DHX33: variants seen among roughly 807,000 people sequenced by gnomAD.
DHX33 encodes the protein DEAH-box helicase 33, also known as ATP-dependent RNA helicase DHX33.
DHX33 carries 42 observed loss-of-function variants against 72.5 expected under a neutral mutation model. The observed-to-expected ratio is 0.58, with a 90% CI of 0.45 to 0.75. DHX33 has a LOEUF of 0.75. DHX33 is among the 30% of genes least tolerant of loss of function. The pLI is 0.00. For synonymous variants in DHX33, 358 were observed against 366.1 expected (o/e 0.98, Z 0.25); for missense variants, 842 against 917.5 (o/e 0.92, Z 1.06).
chr17:5,445,693 G>T (rs1173742005), intron 11 of DHX33, among the ~76,000 whole-genome samples: 4 of 152,208 alleles, frequency 2.6e-5, no homozygotes, highest in Non-Finnish European at 4.4e-5. Flanking sequence ...AATCTCTGCT[G>T]GGCTCTTGAG....
rs565652374 is a variant in DHX33 at position 5,468,982 on chromosome 17, C to A, written c.-123G>T. 147 of 583,402 alleles carry A rather than the reference C, an allele frequency of 2.5e-4. 4 individuals are homozygous for A. The highest frequency in any genetic ancestry group is 2.4e-3 in the South Asian group (145 of 59,558). 36.1% of individuals were successfully genotyped at this position (583,402 alleles called of 1,614,324 possible). A position where few individuals can be genotyped will look rare whatever the true frequency, so the allele number is the denominator to read the frequency against. On this transcript the variant is annotated 5_prime_UTR_variant, in exon 1 of 12. Transcript: ENST00000225296. ...CGTGCTGGCGGCTCCCGGCGACCAC[C>A]GATGACCTCACGGCCGCCCCAGTCT... is the stretch of plus-strand genomic sequence containing the variant.
rs927314900 is a variant in DHX33, at chr17:5,460,828, C to G, written c.849+111G>C. The G allele has an allele frequency of 3.8e-6, 5 of 1,328,312 alleles. No individual in the cohort carries two copies. The Admixed American group carries it at 9.4e-5, about 25-fold the overall frequency. 82.3% of individuals were successfully genotyped at this position (1,328,312 alleles called of 1,614,324 possible). On this transcript the variant is annotated intron_variant, in intron 4 of 11. Transcript: ENST00000225296. ...GGCCTCCTTATTCATCTTGATGACA[C>G]AACTCACAAAGTTGTTTTATTCAGT...
intron 1 of DHX33, among the ~76,000 whole-genome samples, chr17:5,465,712 G>T (rs752055278): frequency 6.6e-6 from 1 of 152,156 alleles, no homozygotes; most frequent in African/African-American, 2.4e-5. Flanking sequence ...TAGTGTAGCC[G>T]AAATGCACCT....
chr17:5,449,891 G>T (rs1484143812), intron 10 of DHX33, among the ~76,000 whole-genome samples: 1 of 152,220 alleles, frequency 6.6e-6, no homozygotes, highest in Non-Finnish European at 1.5e-5. Flanking sequence ...GCTTGGCACA[G>T]AGTAAGTACT....
rs536015865 is a variant in DHX33, at chr17:5,448,641, C to G, written c.1815+168G>C. 4.6e-5 allele frequency: 19 copies of G among 413,068 alleles called. No homozygotes were observed. The Admixed American group carries it at 8.3e-4, about 18-fold the overall frequency. The allele number at this position is 413,068 out of a possible 1,614,324, so 25.6% of individuals were successfully genotyped here. On this transcript the variant is annotated intron_variant, in intron 11 of 11. Coordinates refer to ENST00000225296, the MANE Select transcript of DHX33 (RefSeq NM_020162.4). ...AAAAACTAGGCTATTAGGAAATAGG[C>G]TAAACTACTGAATTGTGGAATTGTG...
At chr17:5,454,018 T>C (rs376917617) in intron 6 of DHX33, 38 bp from the exon 7 acceptor site, 13 of 1,604,182 alleles carry the variant, frequency 8.1e-6, no homozygotes, top group East Asian at 6.7e-5. Flanking sequence ...CTTCATCACA[T>C]GAACAAACTC....
chr17:5,450,117 T>C, intron 10 of DHX33, 86 bp downstream of exon 10: 1 of 1,533,272 alleles, frequency 6.5e-7, no homozygotes, highest in Non-Finnish European at 8.9e-7. Context: ...GAAAGCGTAC[T>C]TTTTGCACGG....
At chr17:5,467,919 ACTCTTACAAATAG>A (rs1219091821) in intron 1 of DHX33, among the ~76,000 whole-genome samples, 1 of 152,090 alleles carries the variant, frequency 6.6e-6, no homozygotes, top group East Asian at 1.9e-4. Flanking sequence ...TTTTTCTTTA[ACTCTTACAAATAG>A]CTCACATCCA....
At chr17:5,465,001 G>A (rs1482576591) in intron 1 of DHX33, among the ~76,000 whole-genome samples, 3 of 152,234 alleles carry the variant, frequency 2.0e-5, no homozygotes, top group Non-Finnish European at 4.4e-5. Context: ...GTACAGAAGC[G>A]TTTAAATGTG....
rs1917168798 is a variant in DHX33 at position 5,455,889 on chromosome 17, A to T, written c.1035+108T>A. The T allele has an allele frequency of 4.9e-6, 6 of 1,221,372 alleles. No individual in the cohort carries two copies. The South Asian group carries it at 7.4e-5, about 15-fold the overall frequency. The allele number at this position is 1,221,372 out of a possible 1,614,324, so 75.7% of individuals were successfully genotyped here. Reference sequence around the variant, plus strand: ...CAGTGCGCTGATCTGGCACCTGGGTATCCCATCCCATACACCTTATCTGGA... The same window carrying T: ...CAGTGCGCTGATCTGGCACCTGGGTTTCCCATCCCATACACCTTATCTGGA... On this transcript the variant is annotated intron_variant, in intron 5 of 11. Coordinates refer to ENST00000225296, the MANE Select transcript of DHX33 (RefSeq NM_020162.4).
At chr17:5,445,551 C>T (rs1916626208) in intron 11 of DHX33, among the ~76,000 whole-genome samples, 1 of 152,236 alleles carries the variant, frequency 6.6e-6, no homozygotes, top group African/African-American at 2.4e-5. Context: ...TTCTACTGCT[C>T]TTGATGAGTG....
chr17:5,468,944 T>G lies in DHX33; in HGVS notation c.-85A>C. On this transcript the variant is annotated 5_prime_UTR_variant, in exon 1 of 12. Coordinates refer to ENST00000225296, the MANE Select transcript of DHX33 (RefSeq NM_020162.4). ...GCAGACAACAGGAGCACACCGCCCC[T>G]TCCTCGCCGCCACGTGCTGGCGGCT... 4.4e-6 allele frequency: 6 copies of G among 1,352,094 alleles called. No homozygotes were observed. The African/African-American group carries it at 4.6e-5, about 10-fold the overall frequency. 83.8% of individuals were successfully genotyped at this position (1,352,094 alleles called of 1,614,324 possible). A position where few individuals can be genotyped will look rare whatever the true frequency, so the allele number is the denominator to read the frequency against.
intron 11 of DHX33, among the ~76,000 whole-genome samples, chr17:5,445,064 C>T (rs1040066907): frequency 2.0e-4 from 31 of 152,176 alleles, no homozygotes; most frequent in African/African-American, 7.2e-4. Flanking sequence ...TTTCCTCTCA[C>T]CGCTCTTTTT....
At position 5,450,865 on chromosome 17, in the gene DHX33, G is replaced by A. The variant is rs1916871307; in HGVS notation, c.1466C>T (p.Thr489Ile). ...GALEHKDDQL[T>I]LTPMGRKMAA... The stretch of plus-strand genomic sequence containing the variant: ...CATCTTTCTTCCCATTGGAGTCAGG[G>A]TAAGCTGGTCATCCTTATGTTCAAG... Residue 489 changes from threonine to isoleucine, a missense_variant, in exon 9 of 12, where the codon ACC (threonine) becomes ATC (isoleucine). Thr to Ile is a moderately conservative substitution (Grantham distance 89). Transcript: ENST00000225296. The A allele has an allele frequency of 6.2e-7, 1 of 1,614,172 alleles. No homozygotes were observed.
Position 5,444,681 on chromosome 17 carries a change from T to C in DHX33, c.1816-168A>G, listed in dbSNP as rs144698105. Among the ~76,000 whole-genome samples, 660 of 152,092 alleles carry C rather than the reference T, an allele frequency of 4.3e-3. 3 individuals are homozygous for C. Among genetic ancestry groups the C allele is most frequent in the African/African-American group, 0.015 (611 of 41,474 alleles). ...AGGTGGTCACCAAGGATCAGCAAGG[T>C]CAGGGGAAGAAGGCCCAGCTGGAGG... is the stretch of plus-strand genomic sequence containing the variant. On this transcript the variant is annotated intron_variant, in intron 11 of 11. Transcript: ENST00000225296. This position sits in a 1 kb window ranked among gnomAD's most constrained non-coding sequence, Gnocchi z 4.9.
At chr17:5,465,809 T>A (rs1904856386) in intron 1 of DHX33, among the ~76,000 whole-genome samples, 1 of 152,250 alleles carries the variant, frequency 6.6e-6, no homozygotes, top group South Asian at 2.1e-4. Context: ...TGAAGCCCAG[T>A]GACTCCCATT....
chr17:5,448,610 T>C (rs79601586), intron 11 of DHX33, 199 bp downstream of exon 11: 7,872 of 338,296 alleles, frequency 0.023, 118 homozygotes, highest in Middle Eastern at 0.05. Context: ...TGTAAAAAAA[T>C]ACAATAAAAA....
chr17:5,450,682 C>G, intron 9 of DHX33, 125 bp downstream of exon 9: 1 of 1,412,548 alleles, frequency 7.1e-7, no homozygotes, highest in Non-Finnish European at 9.7e-7. Context: ...TATTTGCAAA[C>G]TAGGGGTTGG....
In DHX33 at chr17:5,455,224, T is replaced by A. The variant is rs565695834; in HGVS notation, c.1083A>T (p.Ile361=). Residue 361 remains isoleucine (I), a synonymous_variant, in exon 6 of 12, where the codon ATA becomes ATT. Coordinates refer to ENST00000225296, the MANE Select transcript of DHX33 (RefSeq NM_020162.4). ...IISTNIAETS[I]TITGIKYVVD... ...CTACATATTTTATTCCTGTAATGGT[T>A]ATGGAGGTTTCAGCGATGTTGGTTG... 2 of 1,614,198 alleles carry A rather than the reference T, an allele frequency of 1.2e-6. No individual in the cohort carries two copies. The highest frequency in any genetic ancestry group is 2.7e-5 in the African/African-American group (2 of 75,042).
Sources: allele counts gnomAD v4.1 joint callset (sites outside exome capture counted in the v4.1 genomes callset), GRCh38; gene constraint gnomAD v4.1.1; non-coding constraint Gnocchi (gnomAD v3.1); transcripts MANE v1.5; gene names NCBI Gene and HGNC (gene_info 2026-07-23, HGNC 2026-07-21).